The following SLC15A5 variants were observed in gnomAD, a reference collection of about 807,000 sequenced individuals.
SLC15A5 encodes the protein solute carrier family 15 member 5.
In SLC15A5, 58 loss-of-function variants were observed where a neutral mutation model predicts 56.1. The observed-to-expected ratio is 1.03, with a 90% CI of 0.84 to 1.29. SLC15A5 has a LOEUF of 1.29. SLC15A5 is among the 50% of genes most tolerant of loss of function. SLC15A5 has a pLI of 0.00. For missense variants in SLC15A5, 681 were observed against 672.1 expected (o/e 1.01, Z -0.15); for synonymous variants, 264 against 250.5 (o/e 1.05, Z -0.51).
chr12:16,203,113 A>G (rs1219244996), intron 7 of SLC15A5, among the ~76,000 whole-genome samples: 1 of 152,164 alleles, frequency 6.6e-6, no homozygotes, highest in Non-Finnish European at 1.5e-5. Context: ...TTGCTAAAAC[A>G]GTGGATTTTA....
At chr12:16,245,580 A>G (rs1864453896) in intron 3 of SLC15A5, among the ~76,000 whole-genome samples, 1 of 152,302 alleles carries the variant, frequency 6.6e-6, no homozygotes, top group South Asian at 2.1e-4. Context: ...ACAATGACAG[A>G]TAAGAGACCC....
chr12:16,221,838 A>C (rs1864190381), intron 6 of SLC15A5, among the ~76,000 whole-genome samples: 1 of 152,022 alleles, frequency 6.6e-6, no homozygotes, highest in Non-Finnish European at 1.5e-5. Context: ...GTTATATTTC[A>C]GAGTAAAAAT....
At chr12:16,199,785 G>A (rs184870279) in intron 7 of SLC15A5, among the ~76,000 whole-genome samples, 1 of 152,136 alleles carries the variant, frequency 6.6e-6, no homozygotes, top group Non-Finnish European at 1.5e-5. Flanking sequence ...ATAAGACATA[G>A]TCATCCAAGA....
chr12:16,234,887 A>C (rs912982990), intron 5 of SLC15A5, among the ~76,000 whole-genome samples: 3 of 152,078 alleles, frequency 2.0e-5, no homozygotes, highest in Non-Finnish European at 4.4e-5. Context: ...TTTAGGTATA[A>C]ATTTATTTGC....
Position 16,269,481 on chromosome 12 carries a change from G to C in SLC15A5, c.584+3080C>G, listed in dbSNP as rs1270665298. ...GTGGCTTTAATATGCACCTAGGATTGACAATCATTGTTCTCAATGTTCTTG... is the reference window on the plus strand; with the variant it reads ...GTGGCTTTAATATGCACCTAGGATTCACAATCATTGTTCTCAATGTTCTTG... On this transcript the variant is annotated intron_variant, in intron 2 of 8. Transcript: ENST00000344941. The surrounding 1 kb of genome is among the most constrained non-coding windows in gnomAD (Gnocchi z 4.7). Among the ~76,000 whole-genome samples, 1 of 152,154 alleles carries C rather than the reference G, an allele frequency of 6.6e-6. No homozygotes were observed. The highest frequency in any genetic ancestry group is 2.4e-5 in the African/African-American group (1 of 41,432).
At chr12:16,232,867 G>A (rs910762554) in intron 5 of SLC15A5, among the ~76,000 whole-genome samples, 1 of 151,696 alleles carries the variant, frequency 6.6e-6, no homozygotes, top group African/African-American at 2.4e-5. Context: ...AGTGAGCCAA[G>A]ATCATGCCAC....
At chr12:16,190,443 G>A (rs1344765201) in intron 8 of SLC15A5, among the ~76,000 whole-genome samples, 2 of 152,116 alleles carry the variant, frequency 1.3e-5, no homozygotes, top group Non-Finnish European at 2.9e-5. Context: ...GAATCCTGGC[G>A]CTTTTCCTCC....
At chr12:16,219,471 T>G (rs1565661509) in intron 6 of SLC15A5, among the ~76,000 whole-genome samples, 1 of 152,230 alleles carries the variant, frequency 6.6e-6, no homozygotes, top group Admixed American at 6.5e-5. Flanking sequence ...GGCCTATTTC[T>G]TTCACTAAGA....
chr12:16,256,043 A>T (rs980526835), intron 3 of SLC15A5, among the ~76,000 whole-genome samples: 59 of 152,230 alleles, frequency 3.9e-4, no homozygotes, highest in African/African-American at 1.4e-3. Context: ...GCTGTAGTAG[A>T]TTAAAATACA....
At chr12:16,231,526 A>T (rs1450360271) in intron 5 of SLC15A5, among the ~76,000 whole-genome samples, 1 of 152,222 alleles carries the variant, frequency 6.6e-6, no homozygotes, top group East Asian at 1.9e-4. Flanking sequence ...GAAGCTCATG[A>T]CTTGAAGGCA....
chr12:16,240,562 A>AT (rs200187157), intron 4 of SLC15A5, among the ~76,000 whole-genome samples: 7 of 152,006 alleles, frequency 4.6e-5, no homozygotes, highest in Non-Finnish European at 7.4e-5. Flanking sequence ...GAAAGATACA[A>AT]TTTTTTTAAA....
chr12:16,192,867 T>TA (rs1256402866), intron 8 of SLC15A5, among the ~76,000 whole-genome samples: 1 of 152,136 alleles, frequency 6.6e-6, no homozygotes, highest in East Asian at 1.9e-4. Flanking sequence ...AGCCTTATGA[T>TA]ACAGTTACTA....
chr12:16,265,168 G>A (rs773941898), intron 2 of SLC15A5, among the ~76,000 whole-genome samples: 11 of 152,174 alleles, frequency 7.2e-5, no homozygotes, highest in Non-Finnish European at 1.6e-4. Flanking sequence ...AAGGTAGGGA[G>A]AAAATCACAG....
chr12:16,266,479 T>C lies in SLC15A5; in HGVS notation c.584+6082A>G, dbSNP rs192808002. ...AATTATAGTACTGAATATGTATGTC[T>C]AGGAAGAGATTTTACATGAAGTACT... On this transcript the variant is annotated intron_variant, in intron 2 of 8. Transcript: ENST00000344941. 1.6e-3 allele frequency among the ~76,000 whole-genome samples: 241 copies of C among 152,268 alleles called. 1 individual carries two copies. The highest frequency in any genetic ancestry group is 2.4e-3 in the Non-Finnish European group (165 of 68,018).
intron 3 of SLC15A5, among the ~76,000 whole-genome samples, chr12:16,245,006 A>G (rs1864448961): frequency 6.6e-6 from 1 of 152,206 alleles, no homozygotes; most frequent in African/African-American, 2.4e-5. Flanking sequence ...CTAGCAGTTG[A>G]TGTCAAAAGT....
At chr12:16,211,499 CTT>C (rs11354679) in intron 7 of SLC15A5, among the ~76,000 whole-genome samples, 3 of 151,936 alleles carry the variant, frequency 2.0e-5, no homozygotes, top group African/African-American at 7.3e-5. Flanking sequence ...CCAATTATCC[CTT>C]TTTTTTTCTT....
intron 3 of SLC15A5, among the ~76,000 whole-genome samples, chr12:16,248,954 C>T (rs1221535968): frequency 6.6e-6 from 1 of 152,040 alleles, no homozygotes; most frequent in Admixed American, 6.6e-5. Flanking sequence ...TATTGCAAAA[C>T]TTAAAGATTG....
chr12:16,215,222 A>C (rs868209034), intron 7 of SLC15A5, among the ~76,000 whole-genome samples: 1,902 of 144,912 alleles, frequency 0.013, 99 homozygotes, highest in Non-Finnish European at 0.02. Context: ...AAAAAAAAAA[A>C]AAAAAAACCA....
At chr12:16,236,948 A>C (rs748678152) in intron 5 of SLC15A5, among the ~76,000 whole-genome samples, 1 of 152,222 alleles carries the variant, frequency 6.6e-6, no homozygotes, top group African/African-American at 2.4e-5. Flanking sequence ...TTAAAATTAG[A>C]AAACCTGTTC....
Sources: allele counts gnomAD v4.1 joint callset (sites outside exome capture counted in the v4.1 genomes callset), GRCh38; gene constraint gnomAD v4.1.1; non-coding constraint Gnocchi (gnomAD v3.1); transcripts MANE v1.5; gene names NCBI Gene and HGNC (gene_info 2026-07-23, HGNC 2026-07-21).